Variants in PSMD12 observed in about 807,000 individuals in gnomAD.
PSMD12 encodes the protein proteasome 26S subunit, non-ATPase 12.
A neutral mutation model predicts 62.9 loss-of-function variants in PSMD12; 8 were observed. That is an observed-to-expected ratio of 0.13 (90% CI 0.07 to 0.23). The LOEUF (loss-of-function observed/expected upper bound fraction) is 0.23. Among genes scored for constraint, PSMD12 ranks in the 10% least tolerant of loss-of-function variants. The probability of loss-of-function intolerance (pLI) is 1.00; values close to 1 mark genes in which losing one functional copy is unlikely to be tolerated. For synonymous variants in PSMD12, 173 were observed against 187.4 expected (o/e 0.92, Z 0.63); for missense variants, 424 against 550.2 (o/e 0.77, Z 2.29).
intron 3 of PSMD12, among the ~76,000 whole-genome samples, chr17:67,355,741 A>G (rs984651197): frequency 8.5e-5 from 13 of 152,190 alleles, no homozygotes; most frequent in African/African-American, 3.1e-4. Context: ...AGGAAACAGT[A>G]AAGAAAAATC....
At chr17:67,346,261 G>A (rs2041964925) in intron 7 of PSMD12, among the ~76,000 whole-genome samples, 1 of 152,102 alleles carries the variant, frequency 6.6e-6, no homozygotes, top group South Asian at 2.1e-4. Flanking sequence ...CGGGCGTGGG[G>A]GCGGGTGCCT....
chr17:67,354,422 G>T (rs1396232232), intron 3 of PSMD12, among the ~76,000 whole-genome samples: 1 of 151,160 alleles, frequency 6.6e-6, no homozygotes, highest in African/African-American at 2.4e-5. Flanking sequence ...AAAAAGGGAA[G>T]AAAAAAGTAA....
rs35353017 is a variant in PSMD12, at chr17:67,356,557, C to CAAAAAAA, written c.297+739_297+745dup. On this transcript the variant is annotated intron_variant, in intron 3 of 10. Coordinates refer to ENST00000356126, the MANE Select transcript of PSMD12 (RefSeq NM_002816.5). ...TGGGCGACAGAGCGAGACTCCGTCT[C>CAAAAAAA]AAAAAAAAAAAAAAAAAAAAAAAAA... 5.0e-3 allele frequency among the ~76,000 whole-genome samples: 75 copies of CAAAAAAA among 15,004 alleles called. 2 individuals carry two copies. Among genetic ancestry groups the CAAAAAAA allele is most frequent in the South Asian group, 0.011 (2 of 188 alleles). The allele number at this position is 15,004 out of a possible 152,430, so 9.8% of individuals were successfully genotyped here.
chr17:67,362,389 C>T (rs1243845122), intron 1 of PSMD12, among the ~76,000 whole-genome samples: 3 of 152,170 alleles, frequency 2.0e-5, no homozygotes, highest in Non-Finnish European at 4.4e-5. Context: ...TTTATACAGG[C>T]TCTGGCTGGG....
rs2041895194 is a variant in PSMD12 at position 67,339,896 on chromosome 17, C to A, written c.*947G>T. The A allele has an allele frequency of 6.6e-6, 1 of 151,560 alleles. No homozygotes were observed. The highest frequency in any genetic ancestry group is 2.4e-5 in the African/African-American group (1 of 41,264). 9.4% of individuals were successfully genotyped at this position (151,560 alleles called of 1,614,324 possible). The stretch of plus-strand genomic sequence containing the variant: ...TGAGGGTGGCCTGACGTCTTTTTGC[C>A]ATTTTTTTAAAGCATTAAAAAAAAT... On this transcript the variant is annotated 3_prime_UTR_variant, in exon 11 of 11. Coordinates refer to ENST00000356126, the MANE Select transcript of PSMD12 (RefSeq NM_002816.5).
At chr17:67,347,576 G>C (rs987400939) in intron 5 of PSMD12, 91 bp from the exon 6 acceptor site, 8 of 1,288,738 alleles carry the variant, frequency 6.2e-6, no homozygotes, top group Non-Finnish European at 7.4e-6. Flanking sequence ...ATTCATCCTT[G>C]TTAAATAATA....
chr17:67,357,154 T>C, intron 3 of PSMD12, 149 bp downstream of exon 3: 1 of 798,574 alleles, frequency 1.3e-6, no homozygotes, highest in East Asian at 2.8e-5. Context: ...AGTCATATCA[T>C]TGTGAGAATG....
chr17:67,363,761 A>G lies in PSMD12; in HGVS notation c.108+2651T>C, dbSNP rs138561954. On this transcript the variant is annotated intron_variant, in intron 1 of 10. Transcript: ENST00000356126. ...TAGAAAATAATATGAAATGGAAAAT[A>G]AAAAGCAGCTGGGCACGGTGGCTCA... is the stretch of plus-strand genomic sequence containing the variant. 1.4e-3 allele frequency among the ~76,000 whole-genome samples: 213 copies of G among 152,328 alleles called. 1 individual carries two copies. The highest frequency in any genetic ancestry group is 4.9e-3 in the African/African-American group (203 of 41,574).
chr17:67,351,819 G>C (rs2042021033), intron 3 of PSMD12, among the ~76,000 whole-genome samples: 1 of 149,658 alleles, frequency 6.7e-6, no homozygotes, highest in Non-Finnish European at 1.5e-5. Context: ...CATTTTTTTG[G>C]CTGGGTACGG....
intron 10 of PSMD12, among the ~76,000 whole-genome samples, chr17:67,341,336 G>A (rs2041912953): frequency 6.6e-6 from 1 of 151,768 alleles, no homozygotes. Context: ...AGGCATGGTG[G>A]CACACGCCTG....
intron 1 of PSMD12, among the ~76,000 whole-genome samples, chr17:67,365,082 G>A (rs1480044413): frequency 6.6e-6 from 1 of 151,944 alleles, no homozygotes; most frequent in Non-Finnish European, 1.5e-5. Context: ...TACTCGGGAG[G>A]CGGAGGCAGG....
chr17:67,360,023 C>T (rs770544556), intron 1 of PSMD12, among the ~76,000 whole-genome samples: 1 of 152,124 alleles, frequency 6.6e-6, no homozygotes, highest in Non-Finnish European at 1.5e-5. Flanking sequence ...AAATGAGCAG[C>T]ACTAGATCCG....
At chr17:67,356,328 G>A (rs1658291976) in intron 3 of PSMD12, among the ~76,000 whole-genome samples, 1 of 151,622 alleles carries the variant, frequency 6.6e-6, no homozygotes, top group African/African-American at 2.4e-5. Flanking sequence ...GGAGGCCGAG[G>A]CGGGCGGATC....
At chr17:67,360,357 T>C (rs576169545) in intron 1 of PSMD12, among the ~76,000 whole-genome samples, 2 of 152,310 alleles carry the variant, frequency 1.3e-5, no homozygotes, top group East Asian at 3.9e-4. Context: ...GTCTGGAGTA[T>C]CAACAAAACA....
At chr17:67,347,805 T>A (rs1012472906) in intron 5 of PSMD12, among the ~76,000 whole-genome samples, 3 of 152,198 alleles carry the variant, frequency 2.0e-5, no homozygotes, top group African/African-American at 4.8e-5. Context: ...CCCCCACTCA[T>A]AAGCCCTCCT....
chr17:67,366,528 C>T lies in PSMD12; in HGVS notation c.-9G>A, dbSNP rs1276744976. Reference sequence around the variant, plus strand: ...GAGCCGCCGTCCGCCATGGTCCCCGCCTGAGCGTCCCTTGCTGTCCCCCTG... The same window carrying T: ...GAGCCGCCGTCCGCCATGGTCCCCGTCTGAGCGTCCCTTGCTGTCCCCCTG... On this transcript the variant is annotated 5_prime_UTR_variant, in exon 1 of 11. Coordinates refer to ENST00000356126, the MANE Select transcript of PSMD12 (RefSeq NM_002816.5). 1 of 1,597,080 alleles carries T rather than the reference C, an allele frequency of 6.3e-7. No homozygotes were observed. Among genetic ancestry groups the T allele is most frequent in the South Asian group, 1.1e-5 (1 of 90,486 alleles).
chr17:67,359,921 G>A (rs1019568175), intron 1 of PSMD12, among the ~76,000 whole-genome samples: 13 of 152,080 alleles, frequency 8.5e-5, no homozygotes, highest in African/African-American at 2.9e-4. Context: ...CTAGAAAGAC[G>A]GCTAGGCATT....
chr17:67,350,975 T>C (rs2042011642), intron 3 of PSMD12, among the ~76,000 whole-genome samples: 1 of 152,206 alleles, frequency 6.6e-6, no homozygotes, highest in African/African-American at 2.4e-5. Context: ...TAAAAACAAA[T>C]GAGTGTGGCT....
At position 67,347,236 on chromosome 17, in the gene PSMD12, C is replaced by A; in HGVS notation, c.675G>T (p.Lys225Asn). The part of the protein sequence containing the change: ...QEENTEKLKL[K>N]YYNLMIQLDQ... ...CCAGCTGAATCATTAAATTATAGTA[C>A]TTCAACTTTAATTTCTGCAAAAAAG... The change falls in exon 7 of 11, where the codon AAG (lysine) becomes AAT (asparagine). Residue 225 changes from lysine (K) to asparagine (N), a missense_variant. Lys to Asn is a moderately conservative substitution (Grantham distance 94). Coordinates refer to ENST00000356126, the MANE Select transcript of PSMD12 (RefSeq NM_002816.5). 1 of 1,613,302 alleles carries A rather than the reference C, an allele frequency of 6.2e-7. No homozygotes were observed. Among genetic ancestry groups the A allele is most frequent in the South Asian group, 1.1e-5 (1 of 90,980 alleles).
Sources: gnomAD v4.1 joint callset for allele counts (sites outside exome capture counted in the v4.1 genomes callset) on GRCh38, gnomAD v4.1.1 for gene constraint, MANE v1.5 for transcripts, NCBI Gene and HGNC (gene_info 2026-07-23, HGNC 2026-07-21) for gene names.